Variants in FSTL5 observed in about 807,000 individuals in gnomAD.
FSTL5 encodes follistatin like 5.
Under a neutral mutation model 89.1 loss-of-function variants are expected in FSTL5, and 62 were observed. The ratio of observed to expected loss-of-function variants is 0.70; its 90% CI spans 0.57 to 0.86. FSTL5 has a LOEUF of 0.86. FSTL5 is among the 40% of genes least tolerant of loss of function. FSTL5 has a pLI of 0.00. For synonymous variants in FSTL5, 383 were observed against 346.2 expected, an observed-to-expected ratio of 1.11 and a Z score of -1.18; for missense variants, 1,057 against 1,001.6, an observed-to-expected ratio of 1.06 and a Z score of -0.75.
intron 4 of FSTL5, among the ~76,000 whole-genome samples, chr4:161,780,103 A>G (rs1188156767): frequency 6.7e-6 from 1 of 149,248 alleles, no homozygotes; most frequent in Non-Finnish European, 1.5e-5. Context: ...GAAAAATGCT[A>G]GTGACTAAAT....
chr4:161,691,971 T>C (rs550784411), intron 6 of FSTL5, among the ~76,000 whole-genome samples: 7 of 152,198 alleles, frequency 4.6e-5, no homozygotes, highest in Non-Finnish European at 8.8e-5. Flanking sequence ...ATACACAATA[T>C]GTATATTCAA....
intron 4 of FSTL5, among the ~76,000 whole-genome samples, chr4:161,917,145 A>G (rs577260727): frequency 6.6e-6 from 1 of 152,166 alleles, no homozygotes; most frequent in Non-Finnish European, 1.5e-5. Context: ...TTTAGTAGAG[A>G]CGGGGTTTCA....
chr4:161,472,220 G>T (rs948364089), intron 13 of FSTL5, among the ~76,000 whole-genome samples: 4 of 152,004 alleles, frequency 2.6e-5, no homozygotes, highest in African/African-American at 7.2e-5. Context: ...CTCGTGATCT[G>T]CCCGCCTTGG....
chr4:161,685,989 C>T (rs914048511), intron 6 of FSTL5, among the ~76,000 whole-genome samples: 5 of 151,706 alleles, frequency 3.3e-5, no homozygotes, highest in African/African-American at 7.3e-5. Context: ...TTGTCAAATG[C>T]TTTTTCTGCA....
At chr4:161,545,168 G>T (rs1052644737) in intron 8 of FSTL5, among the ~76,000 whole-genome samples, 18 of 151,960 alleles carry the variant, frequency 1.2e-4, no homozygotes, top group African/African-American at 4.1e-4. Flanking sequence ...AGTAACTTAG[G>T]GATATAATGA....
chr4:161,729,992 T>C (rs997218342), intron 6 of FSTL5, among the ~76,000 whole-genome samples: 3 of 152,222 alleles, frequency 2.0e-5, no homozygotes, highest in Non-Finnish European at 4.4e-5. Context: ...CTAGTGTATA[T>C]GTATATTTTT....
chr4:161,453,357 T>TA (rs1464519492), intron 15 of FSTL5, among the ~76,000 whole-genome samples: 1 of 152,082 alleles, frequency 6.6e-6, no homozygotes, highest in African/African-American at 2.4e-5. Flanking sequence ...AACTTGAAAA[T>TA]AACAAAAGAA....
intron 6 of FSTL5, among the ~76,000 whole-genome samples, chr4:161,667,636 T>A (rs990206431): frequency 8.5e-5 from 13 of 152,086 alleles, no homozygotes; most frequent in African/African-American, 3.1e-4. Context: ...TATCATTTGC[T>A]AAGGATTTTT....
intron 15 of FSTL5, among the ~76,000 whole-genome samples, chr4:161,435,031 A>G (rs1476202577): frequency 6.6e-6 from 1 of 152,134 alleles, no homozygotes; most frequent in African/African-American, 2.4e-5. Flanking sequence ...CAAGAAAACT[A>G]AAAGTAGAGT....
rs552043699 is a variant in FSTL5 at position 161,823,623 on chromosome 4, G to A, written c.410-47549C>T. Among the ~76,000 whole-genome samples, 4 of 152,260 alleles carry A rather than the reference G, an allele frequency of 2.6e-5. No homozygotes were observed. In the East Asian group the frequency reaches 5.8e-4, roughly 22 times the overall value. ...CAGGGATGTCCAAGTCTGGATCCAT[G>A]GCTGTGTGGCTGCAACTGTGCTGAG... On this transcript the variant is annotated intron_variant, in intron 4 of 15. Transcript: ENST00000306100.
chr4:161,575,748 C>T (rs560931903), intron 8 of FSTL5, among the ~76,000 whole-genome samples: 15 of 152,238 alleles, frequency 9.9e-5, no homozygotes, highest in East Asian at 7.7e-4. Context: ...CCACCGTGCA[C>T]GGCCGCCTAG....
intron 3 of FSTL5, among the ~76,000 whole-genome samples, chr4:161,935,341 T>C (rs540806067): frequency 6.6e-6 from 1 of 152,174 alleles, no homozygotes; most frequent in African/African-American, 2.4e-5. Context: ...ACATCAGTGA[T>C]GCAGAATCTT....
At chr4:161,733,424 T>C (rs535977992) in intron 6 of FSTL5, among the ~76,000 whole-genome samples, 1 of 151,986 alleles carries the variant, frequency 6.6e-6, no homozygotes, top group Non-Finnish European at 1.5e-5. Context: ...GATAAGAGTG[T>C]TATTTTCAAA....
chr4:162,018,188 A>G (rs936244698), intron 3 of FSTL5, among the ~76,000 whole-genome samples: 1 of 152,148 alleles, frequency 6.6e-6, no homozygotes, highest in Non-Finnish European at 1.5e-5. Flanking sequence ...AATGGTAGAA[A>G]GGGCATGTGG....
At chr4:161,787,352 T>G (rs1467179623) in intron 4 of FSTL5, among the ~76,000 whole-genome samples, 1 of 152,088 alleles carries the variant, frequency 6.6e-6, no homozygotes, top group Non-Finnish European at 1.5e-5. Flanking sequence ...GCTTGACAGT[T>G]GAAGCCATGA....
At chr4:162,141,899 G>A (rs1732763124) in intron 1 of FSTL5, among the ~76,000 whole-genome samples, 1 of 152,004 alleles carries the variant, frequency 6.6e-6, no homozygotes, top group Non-Finnish European at 1.5e-5. Context: ...GTAGAAAAAA[G>A]TGTACACAGG....
intron 4 of FSTL5, among the ~76,000 whole-genome samples, chr4:161,912,158 T>C (rs553995210): frequency 4.6e-5 from 7 of 152,300 alleles, no homozygotes; most frequent in African/African-American, 1.7e-4. Context: ...AATAGAAATA[T>C]AGAAGAAAAA....
At chr4:161,535,451 C>A (rs749785069) in intron 10 of FSTL5, among the ~76,000 whole-genome samples, 7 of 152,014 alleles carry the variant, frequency 4.6e-5, no homozygotes, top group Non-Finnish European at 1.0e-4. Context: ...AGAAGCCATA[C>A]AAATGGTCAG....
At chr4:161,945,930 G>C (rs189682840) in intron 3 of FSTL5, among the ~76,000 whole-genome samples, 1 of 152,042 alleles carries the variant, frequency 6.6e-6, no homozygotes. Flanking sequence ...AAAATGAGAA[G>C]TCTTTACAAA....
Sources: gnomAD v4.1 joint callset for allele counts (sites outside exome capture counted in the v4.1 genomes callset) on GRCh38, gnomAD v4.1.1 for gene constraint, MANE v1.5 for transcripts, NCBI Gene and HGNC (gene_info 2026-07-23, HGNC 2026-07-21) for gene names.